DNHD1: variants seen among roughly 807,000 people sequenced by gnomAD.
DNHD1 encodes the protein dynein heavy chain domain 1.
DNHD1 carries 383 observed loss-of-function variants against 458.1 expected under a neutral mutation model. The ratio of observed to expected loss-of-function variants is 0.84; its 90% CI spans 0.77 to 0.91. The LOEUF (loss-of-function observed/expected upper bound fraction) is 0.91, where lower values mean the gene tolerates loss of function less well. Among genes scored for constraint, DNHD1 ranks in the 40% least tolerant of loss-of-function variants. The pLI is 0.00. For synonymous variants in DNHD1, 2,203 were observed against 2,376.9 expected (o/e 0.93, Z 2.13); for missense variants, 5,336 against 5,866.1 (o/e 0.91, Z 2.95).
intron 10 of DNHD1, among the ~76,000 whole-genome samples, chr11:6,524,283 C>T (rs1001939819): frequency 1.3e-5 from 2 of 152,280 alleles, no homozygotes; most frequent in East Asian, 3.9e-4. Flanking sequence ...AGTAACAGCA[C>T]CCATCTTCAC....
rs1239543892 is a variant in DNHD1 at position 6,557,294 on chromosome 11, T to C, written c.7999T>C (p.Tyr2667His). The C allele has an allele frequency of 1.9e-6, 3 of 1,551,614 alleles. No homozygotes were observed. Among genetic ancestry groups the C allele is most frequent in the Admixed American group, 3.9e-5 (2 of 51,008 alleles). Residue 2667 changes from tyrosine (Y) to histidine (H), a missense_variant, in exon 25 of 43, where the codon TAC (tyrosine) becomes CAC (histidine). Transcript: ENST00000254579. ...GCTGGACAGCCCCAGGGAACGCTCCTACTGTGCCAAGCTGCTCCTAGTAGT... is the reference window on the plus strand; with the variant it reads ...GCTGGACAGCCCCAGGGAACGCTCCCACTGTGCCAAGCTGCTCCTAGTAGT... ...DRLDSPRERS[Y>H]CAKLLLVVAQ...
Position 6,563,157 on chromosome 11 carries a change from G to T in DNHD1, c.9669+26G>T, listed in dbSNP as rs1291783816. ...GTGGGCTCTTCCTGCCGCCTGCCCT[G>T]CACTGCTCCTCTCTCAAAAGAGGGC... On this transcript the variant is annotated intron_variant, in intron 29 of 42. Transcript: ENST00000254579. The T allele has an allele frequency of 1.9e-6, 3 of 1,551,618 alleles. No individual in the cohort carries two copies. The South Asian group carries it at 3.6e-5, about 18-fold the overall frequency.
At chr11:6,539,111 A>G (rs770041780) in intron 16 of DNHD1, 108 bp from the exon 17 acceptor site, 53 of 760,748 alleles carry the variant, frequency 7.0e-5, no homozygotes, top group Non-Finnish European at 1.0e-4. Flanking sequence ...GAGATCTGCT[A>G]TCTGGGGTCT....
chr11:6,564,249 C>A, intron 31 of DNHD1, 84 bp from the exon 32 acceptor site: 1 of 1,448,428 alleles, frequency 6.9e-7, no homozygotes, highest in South Asian at 1.4e-5. Flanking sequence ...TCCTCCACAC[C>A]CCACCTTGCC....
intron 21 of DNHD1, 75 bp downstream of exon 21, chr11:6,547,741 G>A (rs978696297): frequency 8.1e-6 from 12 of 1,481,442 alleles, no homozygotes; most frequent in Non-Finnish European, 1.0e-5. Flanking sequence ...GGAGCCTGGG[G>A]CGTGTGTTCT....
At position 6,540,017 on chromosome 11, in the gene DNHD1, A is replaced by G; in HGVS notation, c.3562A>G (p.Arg1188Gly). ...YEPPASERSKRQVLRSPQWEV... is the reference protein window; with the variant it reads ...YEPPASERSKGQVLRSPQWEV... ...GCCCCCAGCCTCAGAGCGCTCCAAG[A>G]GGCAGGTGCTCCGCAGCCCCCAATG... The change falls in exon 18 of 43, where the codon AGG (arginine) becomes GGG (glycine). Residue 1188 changes from arginine (R) to glycine (G), a missense_variant. By Grantham distance (125) the Arg-to-Gly change is moderately radical (BLOSUM62 -2). Coordinates refer to ENST00000254579, the MANE Select transcript of DNHD1 (RefSeq NM_144666.3). 1 of 1,551,702 alleles carries G rather than the reference A, an allele frequency of 6.4e-7. No individual in the cohort carries two copies. Among genetic ancestry groups the G allele is most frequent in the Non-Finnish European group, 8.7e-7 (1 of 1,146,940 alleles).
chr11:6,545,606 C>T lies in DNHD1; in HGVS notation c.4667C>T (p.Ser1556Phe), dbSNP rs1438247675. ...LVNFMRAQRASQGGQSLPSVR... is the reference protein window; with the variant it reads ...LVNFMRAQRAFQGGQSLPSVR... ...AATTTTATGCGGGCCCAGAGGGCTT[C>T]CCAAGGTGGGCAGTCCCTGCCTTCT... The change falls in exon 21 of 43, where the codon TCC (serine) becomes TTC (phenylalanine). Residue 1556 changes from serine (S) to phenylalanine (F), a missense_variant. Ser to Phe is a radical substitution (Grantham distance 155). Transcript: ENST00000254579. This position sits in a 1 kb window ranked among gnomAD's most constrained non-coding sequence, Gnocchi z 4.9. 70 of 1,551,804 alleles carry T rather than the reference C, an allele frequency of 4.5e-5. No individual in the cohort carries two copies. The highest frequency in any genetic ancestry group is 6.1e-5 in the Non-Finnish European group (70 of 1,147,044).
chr11:6,570,459 C>G (rs749069634), intron 41 of DNHD1, 63 bp downstream of exon 41: 1 of 1,524,342 alleles, frequency 6.6e-7, no homozygotes, highest in Non-Finnish European at 8.8e-7. Flanking sequence ...CCACCCCCCA[C>G]AGAAATGTGG....
chr11:6,549,591 A>G (rs1199253301), intron 24 of DNHD1, among the ~76,000 whole-genome samples: 2 of 152,174 alleles, frequency 1.3e-5, no homozygotes, highest in East Asian at 3.8e-4. Context: ...AATTCTACTT[A>G]TTATTTCTAA....
chr11:6,566,993 G>GT lies in DNHD1; in HGVS notation c.11484_11485insT (p.Leu3829SerfsTer6). The GT allele has an allele frequency of 6.2e-7, 1 of 1,614,070 alleles. No homozygotes were observed. ...TGAGGGCCCAAGGAAAGCTATGCCA[G>GT]CTGCGTGCTCATTGTGAAGAGTTAG... On this transcript the variant is annotated frameshift_variant, in exon 36 of 43. Coordinates refer to ENST00000254579, the MANE Select transcript of DNHD1 (RefSeq NM_144666.3). LOFTEE classifies it high-confidence loss of function.
Position 6,552,425 on chromosome 11 carries a change from G to A in DNHD1, c.7387+3492G>A, listed in dbSNP as rs141066835. On this transcript the variant is annotated intron_variant, in intron 24 of 42. Coordinates refer to ENST00000254579, the MANE Select transcript of DNHD1 (RefSeq NM_144666.3). The stretch of plus-strand genomic sequence containing the variant: ...TGTAATCCCAACTACTTGGGAGGCT[G>A]AGGCAGGAGAATCGCTTGAACCTGG... Among the ~76,000 whole-genome samples the A allele has an allele frequency of 5.3e-5, 8 of 152,218 alleles. No individual in the cohort carries two copies. In the East Asian group the frequency reaches 1.5e-3, roughly 29 times the overall value.
In DNHD1 at chr11:6,498,261, T is replaced by A. The variant is rs79551032; in HGVS notation, c.46T>A (p.Ser16Thr). 4.8e-5 allele frequency: 78 copies of A among 1,614,052 alleles called. No homozygotes were observed. The African/African-American group carries it at 9.7e-4, about 20-fold the overall frequency. The change falls in exon 3 of 43, where the codon TCA becomes ACA. Residue 16 changes from serine (S) to threonine (T), a missense_variant. Physicochemically the swap from Ser to Thr is moderately conservative, Grantham distance 58. Around this residue, in one of 4 missense-constraint regions of DNHD1, gnomAD observed 3,932 missense variants for 4,365.6 expected, o/e 0.90. Transcript: ENST00000254579. ...RRVGLSSDET[S>T]SDSLKSWHSI... is the part of the protein sequence containing the mutation. ...GGTAGGTTTGTCTTCTGATGAGACATCATCTGATTCCCTTAAGTCTTGGCA... is the reference window on the plus strand; with the variant it reads ...GGTAGGTTTGTCTTCTGATGAGACAACATCTGATTCCCTTAAGTCTTGGCA...
chr11:6,546,437 G>A lies in DNHD1; in HGVS notation c.5498G>A (p.Arg1833Gln), dbSNP rs887047928. 38 of 1,551,312 alleles carry A rather than the reference G, an allele frequency of 2.4e-5. No homozygotes were observed. The highest frequency in any genetic ancestry group is 3.1e-5 in the Non-Finnish European group (36 of 1,147,050). ...GTGGCATTGGCATTGCCTGATCTGCGGCAAGTGGCAGAGCTGACTCTGCTG... is the reference window on the plus strand; with the variant it reads ...GTGGCATTGGCATTGCCTGATCTGCAGCAAGTGGCAGAGCTGACTCTGCTG... The part of the protein sequence containing the change: ...RPVALALPDL[R>Q]QVAELTLLGA... Residue 1833 changes from arginine to glutamine, a missense_variant, in exon 21 of 43, where the codon CGG becomes CAG. This residue lies in a region of DNHD1 where 3,932 missense variants were observed against 4,365.6 expected (regional missense o/e 0.90). Transcript: ENST00000254579.
chr11:6,560,471 A>C (rs1012300294), intron 28 of DNHD1, among the ~76,000 whole-genome samples: 2 of 152,232 alleles, frequency 1.3e-5, no homozygotes, highest in African/African-American at 4.8e-5. Flanking sequence ...GTTAAGTTGC[A>C]AAGAAAGAAA....
chr11:6,568,370 A>G, intron 37 of DNHD1, 84 bp from the exon 38 acceptor site: 2 of 1,587,866 alleles, frequency 1.3e-6, no homozygotes, highest in Non-Finnish European at 1.7e-6. Context: ...CTGACTCCTG[A>G]CACCCCTAGC....
rs1364411359 is a variant in DNHD1 at position 6,558,982 on chromosome 11, C to T, written c.9292C>T (p.His3098Tyr). The T allele has an allele frequency of 3.9e-6, 6 of 1,551,738 alleles. No individual in the cohort carries two copies. Among genetic ancestry groups the T allele is most frequent in the Admixed American group, 2.0e-5 (1 of 51,010 alleles). The change falls in exon 27 of 43, where the codon CAC becomes TAC. Residue 3098 changes from histidine (H) to tyrosine (Y), a missense_variant. Coordinates refer to ENST00000254579, the MANE Select transcript of DNHD1 (RefSeq NM_144666.3). ...AMALIHLSAT[H>Y]YHEHLCPALP... The stretch of plus-strand genomic sequence containing the variant: ...GGCTCTTATCCACCTTTCGGCCACC[C>T]ACTACCATGAGCACCTGTGCCCTGC...
rs1472388913 is a variant in DNHD1, at chr11:6,564,599, A to G, written c.10551A>G (p.Glu3517=). 6.4e-7 allele frequency: 1 copy of G among 1,551,706 alleles called. No individual in the cohort carries two copies. The highest frequency in any genetic ancestry group is 8.7e-7 in the Non-Finnish European group (1 of 1,147,002). Residue 3517 remains glutamate (E), a synonymous_variant, in exon 32 of 43, where the codon GAA becomes GAG. Coordinates refer to ENST00000254579, the MANE Select transcript of DNHD1 (RefSeq NM_144666.3). Reference sequence around the variant, plus strand: ...GTATTCTGTCCTTGCTGAGCTCTGAATCGGAGCAGTACCAGTGGGATGGAA... The same window carrying G: ...GTATTCTGTCCTTGCTGAGCTCTGAGTCGGAGCAGTACCAGTGGGATGGAA... ...PFSILSLLSS[E]SEQYQWDGNL...
intron 10 of DNHD1, among the ~76,000 whole-genome samples, chr11:6,528,275 T>C (rs1464475424): frequency 6.6e-6 from 1 of 152,242 alleles, no homozygotes; most frequent in Non-Finnish European, 1.5e-5. Context: ...AGTCCCTCCC[T>C]GCTTAGACTA....
chr11:6,570,618 A>G lies in DNHD1; in HGVS notation c.13106A>G (p.Glu4369Gly). ...SLLATLMPLP[E>G]LRELDAMAEC... The stretch of plus-strand genomic sequence containing the variant: ...CTCACCCCTCACCTCTATCCCCAAG[A>G]GCTAAGGGAGCTGGATGCAATGGCA... Residue 4369 changes from glutamate to glycine, a missense_variant and splice_region_variant, in exon 42 of 43, where the codon GAG becomes GGG. Coordinates refer to ENST00000254579, the MANE Select transcript of DNHD1 (RefSeq NM_144666.3). 1 of 1,601,886 alleles carries G rather than the reference A, an allele frequency of 6.2e-7. No individual in the cohort carries two copies.
Sources: gnomAD v4.1 joint callset for allele counts (sites outside exome capture counted in the v4.1 genomes callset) on GRCh38, gnomAD v4.1.1 for gene constraint, gnomAD v4.1.1 regional missense constraint, Gnocchi (gnomAD v3.1) non-coding constraint, MANE v1.5 for transcripts, NCBI Gene and HGNC (gene_info 2026-07-23, HGNC 2026-07-21) for gene names.